NAPG: variants seen among roughly 807,000 people sequenced by gnomAD.
NAPG encodes the protein NSF attachment protein gamma.
A neutral mutation model predicts 48.4 loss-of-function variants in NAPG; 25 were observed. The observed-to-expected ratio is 0.52, with a 90% CI of 0.38 to 0.72. NAPG has a LOEUF of 0.72. NAPG is among the 30% of genes least tolerant of loss of function. The pLI is 0.00. For synonymous variants in NAPG, 139 were observed against 127.2 expected, an observed-to-expected ratio of 1.09 and a Z score of -0.62; for missense variants, 359 against 372.5, an observed-to-expected ratio of 0.96 and a Z score of 0.30.
intron 5 of NAPG, among the ~76,000 whole-genome samples, chr18:10,536,962 G>T (rs491946): frequency 0.39 from 55,153 of 143,154 alleles, 10,568 homozygotes; most frequent in African/African-American, 0.47. Flanking sequence ...GCCTGTTTTT[G>T]TTTTTTTTTT....
Position 10,534,434 on chromosome 18 carries a change from A to G in NAPG, c.228-32A>G. ...TTCTTCTACCCCTTATTTCGTTAAGATCTCATCAGAGAAATTATATTCTCT... is the reference window on the plus strand; with the variant it reads ...TTCTTCTACCCCTTATTTCGTTAAGGTCTCATCAGAGAAATTATATTCTCT... On this transcript the variant is annotated intron_variant, in intron 4 of 11. Transcript: ENST00000322897. The surrounding 1 kb of genome is among the most constrained non-coding windows in gnomAD (Gnocchi z 5.0). 2.5e-6 allele frequency: 4 copies of G among 1,609,566 alleles called. No individual in the cohort carries two copies. Among genetic ancestry groups the G allele is most frequent in the Non-Finnish European group, 3.4e-6 (4 of 1,176,290 alleles).
In NAPG at chr18:10,539,586, G is replaced by C. The variant is rs549531869; in HGVS notation, c.259-176G>C. On this transcript the variant is annotated intron_variant, in intron 5 of 11. Coordinates refer to ENST00000322897, the MANE Select transcript of NAPG (RefSeq NM_003826.3). The surrounding 1 kb of genome is among the most constrained non-coding windows in gnomAD (Gnocchi z 4.7). Reference sequence around the variant, plus strand: ...ATGCGGGGCTTAAAACCTAGATGATGGGTTGATAGGTATAGCAAACCACCA... The same window carrying C: ...ATGCGGGGCTTAAAACCTAGATGATCGGTTGATAGGTATAGCAAACCACCA... 5.1e-6 allele frequency: 3 copies of C among 583,614 alleles called. No homozygotes were observed. The highest frequency in any genetic ancestry group is 9.1e-6 in the Non-Finnish European group (3 of 328,724). 36.2% of individuals were successfully genotyped at this position (583,614 alleles called of 1,614,324 possible).
chr18:10,543,159 A>T lies in NAPG; in HGVS notation c.506+2760A>T, dbSNP rs1326612048. Among the ~76,000 whole-genome samples, 1 of 152,002 alleles carries T rather than the reference A, an allele frequency of 6.6e-6. No individual in the cohort carries two copies. The highest frequency in any genetic ancestry group is 2.4e-5 in the African/African-American group (1 of 41,392). On this transcript the variant is annotated intron_variant, in intron 8 of 11. Coordinates refer to ENST00000322897, the MANE Select transcript of NAPG (RefSeq NM_003826.3). This position sits in a 1 kb window ranked among gnomAD's most constrained non-coding sequence, Gnocchi z 4.4. ...TCAAAAAAAAAAAAAAAGAAAAGAA[A>T]AGAAAAAAAGACCTTTCCAGCAAGT...
At chr18:10,547,008 AG>A (rs1479777931) in intron 9 of NAPG, among the ~76,000 whole-genome samples, 1 of 152,218 alleles carries the variant, frequency 6.6e-6, no homozygotes, top group African/African-American at 2.4e-5. Context: ...AATTCCGGAA[AG>A]GAGAGAGCTG....
chr18:10,547,878 T>A (rs974429868), intron 9 of NAPG, among the ~76,000 whole-genome samples: 2 of 152,206 alleles, frequency 1.3e-5, no homozygotes, highest in African/African-American at 4.8e-5. Flanking sequence ...AGTTTCTTTT[T>A]AAGGATTCTA....
At chr18:10,537,643 G>A (rs2032063512) in intron 5 of NAPG, among the ~76,000 whole-genome samples, 1 of 152,222 alleles carries the variant, frequency 6.6e-6, no homozygotes, top group Non-Finnish European at 1.5e-5. Flanking sequence ...TAATGTGTCT[G>A]AGAGAGATTT....
rs1314196215 is a variant in NAPG at position 10,544,609 on chromosome 18, G to A, written c.507-1717G>A. Among the ~76,000 whole-genome samples, 1 of 152,194 alleles carries A rather than the reference G, an allele frequency of 6.6e-6. No homozygotes were observed. The highest frequency in any genetic ancestry group is 1.5e-5 in the Non-Finnish European group (1 of 68,032). ...GTACTCTGGCCTCTAACTTAAGGAA[G>A]GGCCCACCTGATTAAGTCAGGCCCA... On this transcript the variant is annotated intron_variant, in intron 8 of 11. Coordinates refer to ENST00000322897, the MANE Select transcript of NAPG (RefSeq NM_003826.3). The surrounding 1 kb of genome is among the most constrained non-coding windows in gnomAD (Gnocchi z 5.1).
rs2032412862 is a variant in NAPG at position 10,552,215 on chromosome 18, A to G, written c.*1995A>G. The G allele has an allele frequency of 6.6e-6, 1 of 152,206 alleles. No individual in the cohort carries two copies. Among genetic ancestry groups the G allele is most frequent in the Non-Finnish European group, 1.5e-5 (1 of 68,026 alleles). The allele number at this position is 152,206 out of a possible 1,614,324, so 9.4% of individuals were successfully genotyped here. ...CTTTTTTTAAAAAAGGTGATGATGA[A>G]GTGCATTCTGTAGCAGCAGCGCAGC... On this transcript the variant is annotated 3_prime_UTR_variant, in exon 12 of 12. Coordinates refer to ENST00000322897, the MANE Select transcript of NAPG (RefSeq NM_003826.3).
Position 10,534,370 on chromosome 18 carries a change from G to T in NAPG, c.228-96G>T. 2.2e-6 allele frequency: 2 copies of T among 922,664 alleles called. No homozygotes were observed. Among genetic ancestry groups the T allele is most frequent in the Admixed American group, 1.9e-5 (1 of 53,668 alleles). 57.2% of individuals were successfully genotyped at this position (922,664 alleles called of 1,614,324 possible). A position where few individuals can be genotyped will look rare whatever the true frequency, so the allele number is the denominator to read the frequency against. ...TGTTGTGCATGAGCCCATTGTAATT[G>T]AAGTCACTTTCCTTACCAGTAGTTC... is the stretch of plus-strand genomic sequence containing the variant. On this transcript the variant is annotated intron_variant, in intron 4 of 11. Coordinates refer to ENST00000322897, the MANE Select transcript of NAPG (RefSeq NM_003826.3). The surrounding 1 kb of genome is among the most constrained non-coding windows in gnomAD (Gnocchi z 5.0).
chr18:10,528,765 G>A (rs1051791353), intron 1 of NAPG, among the ~76,000 whole-genome samples: 2 of 152,116 alleles, frequency 1.3e-5, no homozygotes, highest in African/African-American at 2.4e-5. Flanking sequence ...TAGGTCTGGG[G>A]CAGGGAGGTG....
intron 8 of NAPG, among the ~76,000 whole-genome samples, chr18:10,541,972 T>C (rs16974782): frequency 6.6e-6 from 1 of 152,192 alleles, no homozygotes; most frequent in Admixed American, 6.5e-5. Flanking sequence ...CAGCTGCCTG[T>C]GCATATTCCT....
intron 1 of NAPG, 88 bp downstream of exon 1, chr18:10,526,246 G>GGGGGGGGGGGGT: frequency 1.2e-5 from 6 of 490,182 alleles, no homozygotes; most frequent in East Asian, 5.8e-5. Context: ...GGGCGGGAGG[G>GGGGGGGGGGGGT]AGGGCTCAGG....
At chr18:10,547,280 G>T (rs192120823) in intron 9 of NAPG, among the ~76,000 whole-genome samples, 1 of 152,304 alleles carries the variant, frequency 6.6e-6, no homozygotes, top group East Asian at 1.9e-4. Context: ...CCTAACTGGG[G>T]TGATTACCTG....
rs370107107 is a variant in NAPG at position 10,537,947 on chromosome 18, A to G, written c.259-1815A>G. 9.8e-4 allele frequency among the ~76,000 whole-genome samples: 149 copies of G among 152,296 alleles called. 3 individuals carry two copies. The South Asian group carries it at 0.03, about 30-fold the overall frequency. On this transcript the variant is annotated intron_variant, in intron 5 of 11. Coordinates refer to ENST00000322897, the MANE Select transcript of NAPG (RefSeq NM_003826.3). ...TAAGGGTATCCTAATGAATTTGTCA[A>G]CTTAGCAAGGGACTGAATAGGCAGA...
At position 10,550,167 on chromosome 18, in the gene NAPG, A is replaced by C. The variant is rs2032358452; in HGVS notation, c.886A>C (p.Thr296Pro). The change falls in exon 12 of 12, where the codon ACT (threonine) becomes CCT (proline). Residue 296 changes from threonine (T) to proline (P), a missense_variant. Transcript: ENST00000322897. ...ATPQAKPDGVTATAADEEEDE... is the reference protein window; with the variant it reads ...ATPQAKPDGVPATAADEEEDE... ...ACCACAGGCCAAGCCTGATGGTGTC[A>C]CTGCCACGGCTGCTGATGAAGAGGA... is the stretch of plus-strand genomic sequence containing the variant. 11 of 1,588,722 alleles carry C rather than the reference A, an allele frequency of 6.9e-6. No individual in the cohort carries two copies. Among genetic ancestry groups the C allele is most frequent in the Admixed American group, 1.8e-5 (1 of 55,704 alleles).
chr18:10,532,093 A>T (rs1486639795), intron 2 of NAPG, among the ~76,000 whole-genome samples: 1 of 152,192 alleles, frequency 6.6e-6, no homozygotes, highest in Non-Finnish European at 1.5e-5. Context: ...GTAAGATCAT[A>T]TGTTATAAGC....
chr18:10,537,291 CAGTT>C lies in NAPG; in HGVS notation c.259-2467_259-2464del, dbSNP rs557673762. 3.6e-4 allele frequency among the ~76,000 whole-genome samples: 55 copies of C among 152,162 alleles called. No individual in the cohort carries two copies. In the Middle Eastern group the frequency reaches 0.027, roughly 75 times the overall value. On this transcript the variant is annotated intron_variant, in intron 5 of 11. Coordinates refer to ENST00000322897, the MANE Select transcript of NAPG (RefSeq NM_003826.3). ...AAGTCTTATAAATAATATAAACAGT[CAGTT>C]AGTACATATGTTGTATGTTGTATGG...
rs1453337000 is a variant in NAPG, at chr18:10,546,263, CA to C, written c.507-62del. On this transcript the variant is annotated intron_variant, in intron 8 of 11. Transcript: ENST00000322897. The surrounding 1 kb of genome is among the most constrained non-coding windows in gnomAD (Gnocchi z 4.0). ...AATCTATGATGTCAAGTACATTTCA[CA>C]GGGGACCTCTGCTATAGATCATTTA... The C allele has an allele frequency of 9.6e-7, 1 of 1,039,942 alleles. No individual in the cohort carries two copies. Among genetic ancestry groups the C allele is most frequent in the Non-Finnish European group, 1.4e-6 (1 of 714,220 alleles). The allele number at this position is 1,039,942 out of a possible 1,614,324, so 64.4% of individuals were successfully genotyped here.
intron 1 of NAPG, among the ~76,000 whole-genome samples, chr18:10,528,158 C>T (rs2031858863): frequency 6.6e-6 from 1 of 151,762 alleles, no homozygotes; most frequent in African/African-American, 2.4e-5. Context: ...TGCATTCCAG[C>T]CTGGGAGACA....
Sources: allele counts gnomAD v4.1 joint callset (sites outside exome capture counted in the v4.1 genomes callset), GRCh38; gene constraint gnomAD v4.1.1; non-coding constraint Gnocchi (gnomAD v3.1); transcripts MANE v1.5; gene names NCBI Gene and HGNC (gene_info 2026-07-23, HGNC 2026-07-21).